Variants in TRIM44 observed in about 807,000 individuals in gnomAD.
TRIM44 encodes the protein tripartite motif-containing protein 44.
A neutral mutation model predicts 37.4 loss-of-function variants in TRIM44; 13 were observed. The ratio of observed to expected loss-of-function variants is 0.35; its 90% CI spans 0.23 to 0.55. The LOEUF (loss-of-function observed/expected upper bound fraction) is 0.55. Ranked by LOEUF, TRIM44 falls within the 20% of genes least tolerant of loss-of-function variation. TRIM44 has a pLI of 0.89. For synonymous variants in TRIM44, 175 were observed against 157.2 expected, an observed-to-expected ratio of 1.11 and a Z score of -0.85; for missense variants, 426 against 437.2, an observed-to-expected ratio of 0.97 and a Z score of 0.23.
chr11:35,793,168 G>GA (rs549796218), intron 4 of TRIM44, among the ~76,000 whole-genome samples: 13,148 of 63,548 alleles, frequency 0.21, 794 homozygotes, highest in Non-Finnish European at 0.28. Context: ...TATAAAAACT[G>GA]AAAAAAAAAA....
chr11:35,684,883 C>G (rs1851556465), intron 1 of TRIM44, among the ~76,000 whole-genome samples: 1 of 152,124 alleles, frequency 6.6e-6, no homozygotes, highest in Non-Finnish European at 1.5e-5. Flanking sequence ...ATATTGCATA[C>G]TTCTATATCT....
At chr11:35,753,139 T>C (rs1564999287) in intron 4 of TRIM44, among the ~76,000 whole-genome samples, 1 of 152,246 alleles carries the variant, frequency 6.6e-6, no homozygotes, top group Non-Finnish European at 1.5e-5. Flanking sequence ...GTCATTTGCC[T>C]TTAGCAGTTA....
chr11:35,695,049 A>G (rs1312984423), intron 2 of TRIM44, among the ~76,000 whole-genome samples: 1 of 152,182 alleles, frequency 6.6e-6, no homozygotes, highest in African/African-American at 2.4e-5. Context: ...TAAATGGCCC[A>G]TCAGGTGACC....
At chr11:35,729,623 T>C (rs920482546) in intron 3 of TRIM44, among the ~76,000 whole-genome samples, 2 of 152,154 alleles carry the variant, frequency 1.3e-5, no homozygotes, top group Non-Finnish European at 2.9e-5. Context: ...CCTCCCCAAC[T>C]AGCTCTGTGG....
intron 2 of TRIM44, among the ~76,000 whole-genome samples, chr11:35,700,956 G>A (rs922678271): frequency 2.6e-5 from 4 of 152,030 alleles, no homozygotes; most frequent in Non-Finnish European, 4.4e-5. Context: ...TTACACACAC[G>A]ATACATGTAT....
chr11:35,780,615 C>T (rs555551419), intron 4 of TRIM44, among the ~76,000 whole-genome samples: 47 of 152,196 alleles, frequency 3.1e-4, no homozygotes, highest in African/African-American at 7.9e-4. Flanking sequence ...GATGACAAAC[C>T]GAATCTCAGA....
At chr11:35,687,841 C>T (rs948543636) in intron 2 of TRIM44, among the ~76,000 whole-genome samples, 4 of 152,082 alleles carry the variant, frequency 2.6e-5, no homozygotes, top group Admixed American at 2.6e-4. Flanking sequence ...CTCTTTTTTA[C>T]GTTCTTTTTA....
intron 2 of TRIM44, among the ~76,000 whole-genome samples, chr11:35,711,689 G>A (rs183640861): frequency 6.6e-5 from 10 of 152,150 alleles, no homozygotes; most frequent in East Asian, 5.8e-4. Context: ...CCAGGAGATC[G>A]AGGCTGCAGT....
Position 35,703,922 on chromosome 11 carries a change from C to T in TRIM44, c.747+18586C>T, listed in dbSNP as rs542381247. Among the ~76,000 whole-genome samples, 285 of 152,280 alleles carry T rather than the reference C, an allele frequency of 1.9e-3. 2 individuals carry two copies. The highest frequency in any genetic ancestry group is 6.5e-3 in the African/African-American group (272 of 41,542). On this transcript the variant is annotated intron_variant, in intron 2 of 4. Transcript: ENST00000299413. ...AAAGCTGGATGGAGAATGACTTTGA[C>T]GAGTTGAGAGAAGAAGGCTTCAGAC...
intron 2 of TRIM44, among the ~76,000 whole-genome samples, chr11:35,700,743 C>T (rs940509200): frequency 3.3e-5 from 5 of 152,098 alleles, no homozygotes; most frequent in African/African-American, 9.7e-5. Context: ...AGCTAGGGGG[C>T]GTGGCTAATT....
At chr11:35,740,615 G>A (rs1263719573) in intron 4 of TRIM44, among the ~76,000 whole-genome samples, 2 of 152,206 alleles carry the variant, frequency 1.3e-5, no homozygotes, top group African/African-American at 4.8e-5. Context: ...CAGGAAGCGT[G>A]TTCTGAAGGA....
chr11:35,769,741 G>C (rs1323857), intron 4 of TRIM44, among the ~76,000 whole-genome samples: 8,658 of 152,142 alleles, frequency 0.057, 815 homozygotes, highest in African/African-American at 0.2. Flanking sequence ...CTTATTACTA[G>C]GGCTGGACAT....
chr11:35,749,967 A>T (rs1469503323), intron 4 of TRIM44, among the ~76,000 whole-genome samples: 18 of 152,214 alleles, frequency 1.2e-4, no homozygotes, highest in Non-Finnish European at 1.8e-4. Context: ...CAGGGTCGTG[A>T]TGCAAAAGGC....
At chr11:35,772,525 C>T (rs1852887779) in intron 4 of TRIM44, among the ~76,000 whole-genome samples, 1 of 152,232 alleles carries the variant, frequency 6.6e-6, no homozygotes, top group Admixed American at 6.5e-5. Flanking sequence ...GGGAACCCAC[C>T]TCTTGCATCA....
intron 3 of TRIM44, among the ~76,000 whole-genome samples, chr11:35,730,763 A>C (rs1277068188): frequency 1.3e-5 from 2 of 151,916 alleles, no homozygotes; most frequent in East Asian, 3.8e-4. Context: ...TTTCAGTACT[A>C]TTGAAAATAG....
At chr11:35,681,974 T>G (rs1851525348) in intron 1 of TRIM44, among the ~76,000 whole-genome samples, 2 of 147,322 alleles carry the variant, frequency 1.4e-5, no homozygotes. Flanking sequence ...TTTTTTTTTT[T>G]TTGAAATGCA....
intron 2 of TRIM44, among the ~76,000 whole-genome samples, chr11:35,708,544 A>G (rs1851919916): frequency 1.3e-5 from 2 of 151,982 alleles, no homozygotes; most frequent in South Asian, 2.1e-4. Flanking sequence ...TGGATTAAGA[A>G]AATGTGGCAC....
intron 4 of TRIM44, among the ~76,000 whole-genome samples, chr11:35,747,049 G>A (rs934326485): frequency 3.3e-5 from 5 of 152,178 alleles, no homozygotes; most frequent in African/African-American, 1.2e-4. Flanking sequence ...TGACAGAGTT[G>A]CAGCAAAAGC....
intron 4 of TRIM44, among the ~76,000 whole-genome samples, chr11:35,760,728 A>G (rs769551039): frequency 2.0e-5 from 3 of 152,226 alleles, no homozygotes; most frequent in African/African-American, 7.2e-5. Flanking sequence ...TGAAGTACAT[A>G]TACATAGCTG....
Sources: allele counts gnomAD v4.1 joint callset (sites outside exome capture counted in the v4.1 genomes callset), GRCh38; gene constraint gnomAD v4.1.1; transcripts MANE v1.5; gene names NCBI Gene and HGNC (gene_info 2026-07-23, HGNC 2026-07-21).